The following ESYT1 variants were observed in gnomAD, a reference collection of about 807,000 sequenced individuals.
The protein encoded by ESYT1 is extended synaptotagmin-1.
A neutral mutation model predicts 154.2 loss-of-function variants in ESYT1; 116 were observed. The observed-to-expected ratio is 0.75, with a 90% CI of 0.65 to 0.88. ESYT1 has a LOEUF of 0.88. ESYT1 is among the 40% of genes least tolerant of loss of function. The probability of loss-of-function intolerance (pLI) is 0.00; values close to 1 mark genes in which losing one functional copy is unlikely to be tolerated. For missense variants in ESYT1, 1,264 were observed against 1,379.3 expected (o/e 0.92, Z 1.32); for synonymous variants, 500 against 539.9 (o/e 0.93, Z 1.02).
intron 24 of ESYT1, 97 bp downstream of exon 24, chr12:56,139,110 C>CTTTT: frequency 7.4e-6 from 5 of 671,546 alleles, no homozygotes; most frequent in Middle Eastern, 3.1e-4. Context: ...AAAAGGTTGA[C>CTTTT]TTTTTTTTTT....
chr12:56,138,902 G>A (rs370551533), intron 23 of ESYT1, 25 bp from the exon 24 acceptor site: 6 of 1,612,414 alleles, frequency 3.7e-6, no homozygotes, highest in Non-Finnish European at 5.1e-6. Flanking sequence ...ATCAGCTACT[G>A]ATCATAAGCC....
chr12:56,143,463 C>T (rs550657847), intron 29 of ESYT1, 117 bp from the exon 30 acceptor site: 435 of 1,502,328 alleles, frequency 2.9e-4, no homozygotes, highest in Non-Finnish European at 3.8e-4. Context: ...TGGTTTGGGA[C>T]GAGTATGTGA....
rs201317365 is a variant in ESYT1, at chr12:56,142,903, G to A, written c.2957G>A (p.Arg986Gln). ...ACTCTGTGGTACTACAGTGAAGAAC[G>A]AAAGCTGGTCAGCATTGTTCATGGT... ...KLTLWYYSEE[R>Q]KLVSIVHGCR... Residue 986 changes from arginine to glutamine, a missense_variant, in exon 27 of 31, where the codon CGA (arginine) becomes CAA (glutamine). Coordinates refer to ENST00000394048, the MANE Select transcript of ESYT1 (RefSeq NM_015292.3). The surrounding 1 kb of genome is among the most constrained non-coding windows in gnomAD (Gnocchi z 4.1). 9 of 1,614,168 alleles carry A rather than the reference G, an allele frequency of 5.6e-6. No homozygotes were observed. The highest frequency in any genetic ancestry group is 1.6e-4 in the Middle Eastern group (1 of 6,062).
In ESYT1 at chr12:56,131,550, T is replaced by C; in HGVS notation, c.788T>C (p.Phe263Ser). The change falls in exon 6 of 31, where the codon TTC becomes TCC. Residue 263 changes from phenylalanine to serine, a missense_variant. Phe to Ser is a radical substitution (Grantham distance 155). Transcript: ENST00000394048. ...DLPFVGAVSM[F>S]FIRRPTLDIN... is the part of the protein sequence containing the mutation. ...CCCTTCGTGGGGGCTGTGTCAATGT[T>C]CTTCATCCGACGCCCGGTAAGGGAA... The C allele has an allele frequency of 6.2e-7, 1 of 1,614,092 alleles. No individual in the cohort carries two copies. The highest frequency in any genetic ancestry group is 1.7e-4 in the Middle Eastern group (1 of 6,010).
rs1228012809 is a variant in ESYT1, at chr12:56,130,884, C to A, written c.526C>A (p.Leu176Met). The part of the protein sequence containing the change: ...APAVRGSNPH[L>M]QTFTFTRVEL... ...GGCTGTTAGGGGATCTAACCCCCATCTGCAAACATTTACATTTACACGAGT... is the reference window on the plus strand; with the variant it reads ...GGCTGTTAGGGGATCTAACCCCCATATGCAAACATTTACATTTACACGAGT... The change falls in exon 3 of 31, where the codon CTG (leucine) becomes ATG (methionine). Residue 176 changes from leucine to methionine, a missense_variant. Transcript: ENST00000394048. The A allele has an allele frequency of 1.8e-5, 29 of 1,614,092 alleles. No homozygotes were observed. Among genetic ancestry groups the A allele is most frequent in the Non-Finnish European group, 2.5e-5 (29 of 1,180,046 alleles).
rs371820154 is a variant in ESYT1 at position 56,138,247 on chromosome 12, G to T, written c.2312G>T (p.Arg771Leu). Reference protein sequence around the residue: ...LHLRLERLTPRPTAAELEEVL... With the variant: ...LHLRLERLTPLPTAAELEEVL... ...TTGCGCCTGGAGCGTCTCACCCCCC[G>T]TCCCACTGCTGCTGAGTTAGAGGAG... Residue 771 changes from arginine to leucine, a missense_variant, in exon 21 of 31, where the codon CGT becomes CTT. Arg to Leu is a moderately radical substitution (Grantham distance 102). Transcript: ENST00000394048. 4 of 1,614,052 alleles carry T rather than the reference G, an allele frequency of 2.5e-6. No homozygotes were observed. Among genetic ancestry groups the T allele is most frequent in the Non-Finnish European group, 2.5e-6 (3 of 1,180,044 alleles).
In ESYT1 at chr12:56,132,783, A is replaced by C; in HGVS notation, c.1226A>C (p.Lys409Thr). ...GAGGTGTTCGACAAGGATCCAGATA[A>C]AGATGACTTTCTGGGCAGGTGAGAC... The part of the protein sequence containing the change: ...EVEVFDKDPD[K>T]DDFLGRMKLD... The change falls in exon 10 of 31, where the codon AAA becomes ACA. Residue 409 changes from lysine to threonine, a missense_variant. Coordinates refer to ENST00000394048, the MANE Select transcript of ESYT1 (RefSeq NM_015292.3). The C allele has an allele frequency of 6.2e-7, 1 of 1,614,098 alleles. No individual in the cohort carries two copies.
rs187275073 is a variant in ESYT1, at chr12:56,132,143, A to C, written c.861-66A>C. The C allele has an allele frequency of 2.9e-4, 473 of 1,612,092 alleles. 6 individuals are homozygous for C. The Admixed American group carries it at 7.8e-3, about 26-fold the overall frequency. ...TAGGTCTCTCTTGGGTGTGGGAAAC[A>C]TAGTTGGGGTTAGGAGAAAATTGGA... On this transcript the variant is annotated intron_variant, in intron 7 of 30. Transcript: ENST00000394048.
At chr12:56,140,670 C>G (rs1308561930) in intron 24 of ESYT1, among the ~76,000 whole-genome samples, 1 of 152,130 alleles carries the variant, frequency 6.6e-6, no homozygotes, top group Non-Finnish European at 1.5e-5. Context: ...GTCAGGGAAG[C>G]CTTTAATGAG....
intron 7 of ESYT1, 127 bp downstream of exon 7, chr12:56,131,931 C>T: frequency 9.4e-7 from 1 of 1,067,690 alleles, no homozygotes. Flanking sequence ...GGAGCAAAGA[C>T]AAATACCCCT....
At chr12:56,130,187 AG>A (rs1870174367) in intron 1 of ESYT1, 1 of 282,844 alleles carries the variant, frequency 3.5e-6, no homozygotes, top group African/African-American at 2.2e-5. Context: ...CTGGGATTAC[AG>A]ATGCGAGCCA....
intron 10 of ESYT1, 130 bp from the exon 11 acceptor site, chr12:56,133,287 T>C: frequency 1.1e-6 from 1 of 948,230 alleles, no homozygotes; most frequent in Non-Finnish European, 1.7e-6. Flanking sequence ...GAATATCTTC[T>C]GAGAGGAATA....
chr12:56,131,764 T>G lies in ESYT1; in HGVS notation c.820T>G (p.Trp274Gly). Residue 274 changes from tryptophan (W) to glycine (G), a missense_variant, in exon 7 of 31, where the codon TGG becomes GGG. Physicochemically the swap from Trp to Gly is radical, Grantham distance 184 (BLOSUM62 -2). Transcript: ENST00000394048. ...FIRRPTLDIN[W>G]TGMTNLLDIP... ...TTCCCTCCAGACCCTAGACATCAAC[T>G]GGACAGGGATGACCAACCTGCTGGA... 1.9e-6 allele frequency: 3 copies of G among 1,614,124 alleles called. No individual in the cohort carries two copies. The highest frequency in any genetic ancestry group is 2.5e-6 in the Non-Finnish European group (3 of 1,180,026).
Position 56,138,088 on chromosome 12 carries a change from T to TA in ESYT1, c.2247+15dup. 6.2e-7 allele frequency: 1 copy of TA among 1,614,116 alleles called. No individual in the cohort carries two copies. The highest frequency in any genetic ancestry group is 1.1e-5 in the South Asian group (1 of 91,082). On this transcript the variant is annotated intron_variant, in intron 20 of 30. Coordinates refer to ENST00000394048, the MANE Select transcript of ESYT1 (RefSeq NM_015292.3). Reference sequence around the variant, plus strand: ...TTCCTTGATGAGGTGAGCATTGAATTAGAGTCAACAACCCCTCCTGATCCT... The same window carrying TA: ...TTCCTTGATGAGGTGAGCATTGAATTAAGAGTCAACAACCCCTCCTGATCCT...
At chr12:56,143,702 A>G in intron 30 of ESYT1, 73 bp downstream of exon 30, 1 of 1,612,102 alleles carries the variant, frequency 6.2e-7, no homozygotes, top group Non-Finnish European at 8.5e-7. Context: ...GAAAGGAAAA[A>G]AAGATACAAT....
intron 4 of ESYT1, 61 bp downstream of exon 4, chr12:56,131,174 C>G: frequency 6.2e-7 from 1 of 1,613,274 alleles, no homozygotes; most frequent in African/African-American, 1.3e-5. Flanking sequence ...GTCCAGGCTA[C>G]TTCACTCCCC....
intron 20 of ESYT1, 37 bp downstream of exon 20, chr12:56,138,111 C>G: frequency 6.2e-7 from 1 of 1,613,776 alleles, no homozygotes; most frequent in African/African-American, 1.3e-5. Flanking sequence ...CCCTCCTGAT[C>G]CTGCCCAAGC....
rs1870501883 is a variant in ESYT1 at position 56,137,355 on chromosome 12, T to G, written c.1920T>G (p.Asp640Glu). 1 of 1,614,096 alleles carries G rather than the reference T, an allele frequency of 6.2e-7. No homozygotes were observed. Among genetic ancestry groups the G allele is most frequent in the Non-Finnish European group, 8.5e-7 (1 of 1,180,050 alleles). Residue 640 changes from aspartate to glutamate, a missense_variant, in exon 17 of 31, where the codon GAT becomes GAG. Coordinates refer to ENST00000394048, the MANE Select transcript of ESYT1 (RefSeq NM_015292.3). ...CTCGACCCTGTCACACGACTCCTGATAGCCAGTTTGGGACTGAGGTGAGTC... is the reference window on the plus strand; with the variant it reads ...CTCGACCCTGTCACACGACTCCTGAGAGCCAGTTTGGGACTGAGGTGAGTC... ...APPRPCHTTP[D>E]SQFGTEHVLR... is the part of the protein sequence containing the mutation.
Position 56,133,399 on chromosome 12 carries a change from T to TC in ESYT1, c.1245-13dup. On this transcript the variant is annotated splice_polypyrimidine_tract_variant and intron_variant, in intron 10 of 30. Transcript: ENST00000394048. ...CCCTTTTCTTCCTTTCACTACCCTC[T>TC]CCCCCGCCAACCCTCAGAATGAAGC... 1 of 1,613,930 alleles carries TC rather than the reference T, an allele frequency of 6.2e-7. No homozygotes were observed. The highest frequency in any genetic ancestry group is 1.3e-5 in the African/African-American group (1 of 74,968).
Sources: gnomAD v4.1 joint callset for allele counts (sites outside exome capture counted in the v4.1 genomes callset) on GRCh38, gnomAD v4.1.1 for gene constraint, Gnocchi (gnomAD v3.1) non-coding constraint, MANE v1.5 for transcripts, NCBI Gene and HGNC (gene_info 2026-07-23, HGNC 2026-07-21) for gene names.